CDH12: variants seen among roughly 807,000 people sequenced by gnomAD.
CDH12 encodes cadherin-12.
Under a neutral mutation model 74.1 loss-of-function variants are expected in CDH12, and 41 were observed. That is an observed-to-expected ratio of 0.55 (90% CI 0.43 to 0.72). CDH12 has a LOEUF of 0.72. CDH12 is among the 30% of genes least tolerant of loss of function. The pLI is 0.00. For missense variants in CDH12, 945 were observed against 977.2 expected (o/e 0.97, Z 0.44); for synonymous variants, 399 against 355.0 (o/e 1.12, Z -1.39).
intron 1 of CDH12, among the ~76,000 whole-genome samples, chr5:22,699,930 T>G (rs1217229044): frequency 6.6e-6 from 1 of 152,138 alleles, no homozygotes; most frequent in Non-Finnish European, 1.5e-5. Context: ...ATCCCAGCAC[T>G]TTGAGAGGCC....
intron 5 of CDH12, among the ~76,000 whole-genome samples, chr5:22,012,323 C>T (rs577710213): frequency 7.3e-5 from 11 of 151,582 alleles, no homozygotes; most frequent in Non-Finnish European, 1.6e-4. Flanking sequence ...AGTTGTTAGA[C>T]TTTAAAAAAA....
chr5:22,075,553 CTA>C (rs1742259049), intron 5 of CDH12, among the ~76,000 whole-genome samples: 1 of 151,824 alleles, frequency 6.6e-6, no homozygotes, highest in South Asian at 2.1e-4. Flanking sequence ...TTTCTTTTCT[CTA>C]GATTCCTTTA....
At chr5:22,030,373 T>A (rs1271468469) in intron 5 of CDH12, among the ~76,000 whole-genome samples, 1 of 152,182 alleles carries the variant, frequency 6.6e-6, no homozygotes, top group Non-Finnish European at 1.5e-5. Context: ...TTAGCAGGCA[T>A]GAAAACAGCA....
chr5:22,670,693 T>A (rs566383160), intron 1 of CDH12, among the ~76,000 whole-genome samples: 1 of 152,072 alleles, frequency 6.6e-6, no homozygotes, highest in South Asian at 2.1e-4. Context: ...ATAAATTCCA[T>A]GTGAACTATA....
chr5:22,821,515 C>A (rs1749699001), intron 1 of CDH12, among the ~76,000 whole-genome samples: 1 of 152,166 alleles, frequency 6.6e-6, no homozygotes, highest in African/African-American at 2.4e-5. Context: ...TCTCCTTTAG[C>A]TGATAAGCAA....
chr5:22,532,438 G>T (rs1737637338), intron 1 of CDH12, among the ~76,000 whole-genome samples: 1 of 138,132 alleles, frequency 7.2e-6, no homozygotes, highest in Non-Finnish European at 1.6e-5. Context: ...GAAAAATTCG[G>T]CAATATTTGA....
At chr5:22,270,154 C>T (rs963012646) in intron 3 of CDH12, among the ~76,000 whole-genome samples, 10 of 151,918 alleles carry the variant, frequency 6.6e-5, no homozygotes, top group African/African-American at 2.2e-4. Context: ...TTTCTGTATC[C>T]CACTTTACTC....
intron 8 of CDH12, among the ~76,000 whole-genome samples, chr5:21,833,335 A>G (rs182641313): frequency 0.14 from 2,767 of 19,970 alleles, 563 homozygotes; most frequent in African/African-American, 0.21. Flanking sequence ...TATATTATAT[A>G]TTATATAACA....
At chr5:21,775,443 G>A (rs1037892261) in intron 11 of CDH12, among the ~76,000 whole-genome samples, 2 of 152,030 alleles carry the variant, frequency 1.3e-5, no homozygotes, top group African/African-American at 2.4e-5. Flanking sequence ...ACTCTTAGTC[G>A]CACCTGAAAA....
intron 3 of CDH12, among the ~76,000 whole-genome samples, chr5:22,386,890 C>T (rs1006370927): frequency 9.9e-5 from 15 of 151,656 alleles, no homozygotes; most frequent in Non-Finnish European, 1.9e-4. Flanking sequence ...TGAGAGCATA[C>T]TATAATTTTT....
intron 8 of CDH12, among the ~76,000 whole-genome samples, chr5:21,840,209 G>A (rs1439617420): frequency 6.6e-6 from 1 of 152,124 alleles, no homozygotes; most frequent in African/African-American, 2.4e-5. Context: ...GGTGGGAAAT[G>A]TGTCAAAACT....
intron 6 of CDH12, chr5:21,884,145 A>G (rs1335131178): frequency 1.8e-5 from 27 of 1,537,972 alleles, no homozygotes; most frequent in Middle Eastern, 3.4e-4. Flanking sequence ...AAAAGGAATT[A>G]TTGACCCAAC....
Position 21,842,346 on chromosome 5 carries a change from A to G in CDH12, c.647-18T>C. The G allele has an allele frequency of 6.6e-7, 1 of 1,518,860 alleles. No homozygotes were observed. Among genetic ancestry groups the G allele is most frequent in the Middle Eastern group, 1.7e-4 (1 of 5,756 alleles). 94.1% of individuals were successfully genotyped at this position (1,518,860 alleles called of 1,614,324 possible). On this transcript the variant is annotated intron_variant, in intron 7 of 14. Coordinates refer to ENST00000382254, the MANE Select transcript of CDH12 (RefSeq NM_004061.5). ...AATAACACCTTAAGGGATAAAAGCA[A>G]TAATGTAAAATAAATATCACAAATG...
At chr5:22,062,324 A>T (rs563472396) in intron 5 of CDH12, among the ~76,000 whole-genome samples, 1 of 152,260 alleles carries the variant, frequency 6.6e-6, no homozygotes, top group East Asian at 1.9e-4. Flanking sequence ...CAGGAACATT[A>T]GTATATTGTG....
chr5:22,281,846 C>T (rs2150407256), intron 3 of CDH12, among the ~76,000 whole-genome samples: 1 of 152,268 alleles, frequency 6.6e-6, no homozygotes, highest in Non-Finnish European at 1.5e-5. Flanking sequence ...CTATCATTGA[C>T]TTTCTTCACA....
chr5:22,488,536 GAT>G (rs1046408734), intron 2 of CDH12, among the ~76,000 whole-genome samples: 14 of 152,098 alleles, frequency 9.2e-5, no homozygotes, highest in African/African-American at 3.1e-4. Flanking sequence ...CATTCCAAGA[GAT>G]AGCAAACAAT....
rs188427519 is a variant in CDH12, at chr5:22,426,670, C to A, written c.-427-21319G>T. On this transcript the variant is annotated intron_variant, in intron 2 of 14. Transcript: ENST00000382254. Reference sequence around the variant, plus strand: ...TTAATTTGCTGGCAATACAAATAAACCTAAATATAATTTTAATATATCAAT... The same window carrying A: ...TTAATTTGCTGGCAATACAAATAAAACTAAATATAATTTTAATATATCAAT... Among the ~76,000 whole-genome samples, 409 of 152,114 alleles carry A rather than the reference C, an allele frequency of 2.7e-3. 2 individuals carry two copies. Among genetic ancestry groups the A allele is most frequent in the Non-Finnish European group, 3.0e-3 (204 of 67,990 alleles).
chr5:22,704,972 T>G (rs1213821011), intron 1 of CDH12, among the ~76,000 whole-genome samples: 1 of 152,094 alleles, frequency 6.6e-6, no homozygotes, highest in Non-Finnish European at 1.5e-5. Context: ...CAAAAAATTC[T>G]AATTGAATGA....
At chr5:22,165,282 T>A (rs1408108833) in intron 4 of CDH12, among the ~76,000 whole-genome samples, 1 of 152,194 alleles carries the variant, frequency 6.6e-6, no homozygotes, top group African/African-American at 2.4e-5. Context: ...TTAATCTCCC[T>A]TCACTTTCTC....
Sources: gnomAD v4.1 joint callset for allele counts (sites outside exome capture counted in the v4.1 genomes callset) on GRCh38, gnomAD v4.1.1 for gene constraint, MANE v1.5 for transcripts, NCBI Gene and HGNC (gene_info 2026-07-23, HGNC 2026-07-21) for gene names.